RAD51B: variants seen among roughly 807,000 people sequenced by gnomAD.
RAD51B encodes the protein DNA repair protein RAD51 homolog 2.
A neutral mutation model predicts 42.2 loss-of-function variants in RAD51B; 38 were observed. That is an observed-to-expected ratio of 0.90 (90% CI 0.70 to 1.18). The LOEUF is 1.18. Among genes scored for constraint, RAD51B ranks in the 50% most tolerant of loss-of-function variants. The pLI, the probability that RAD51B is intolerant of heterozygous loss-of-function variation, is 0.00. For synonymous variants in RAD51B, 154 were observed against 145.2 expected, an observed-to-expected ratio of 1.06 and a Z score of -0.43; for missense variants, 373 against 400.7, an observed-to-expected ratio of 0.93 and a Z score of 0.59.
At chr14:68,268,382 T>G (rs1018526251) in intron 7 of RAD51B, among the ~76,000 whole-genome samples, 1 of 152,130 alleles carries the variant, frequency 6.6e-6, no homozygotes, top group Non-Finnish European at 1.5e-5. Context: ...CCATGTACAT[T>G]TTGTATCTTC....
chr14:68,202,257 T>A (rs2079501384), intron 7 of RAD51B, among the ~76,000 whole-genome samples: 1 of 152,214 alleles, frequency 6.6e-6, no homozygotes, highest in African/African-American at 2.4e-5. Context: ...CTGATCACGG[T>A]GGTGGTTACT....
intron 7 of RAD51B, among the ~76,000 whole-genome samples, chr14:67,961,545 C>T (rs1405237578): frequency 6.6e-6 from 1 of 152,126 alleles, no homozygotes; most frequent in East Asian, 1.9e-4. Context: ...GGATATTATT[C>T]TTGTATACAT....
chr14:67,895,716 A>G (rs1195130867), intron 7 of RAD51B, among the ~76,000 whole-genome samples: 1 of 152,138 alleles, frequency 6.6e-6, no homozygotes, highest in Non-Finnish European at 1.5e-5. Flanking sequence ...TTAGTTTAGG[A>G]TATGATATAA....
At chr14:68,085,840 G>A (rs895480381) in intron 7 of RAD51B, among the ~76,000 whole-genome samples, 1 of 152,176 alleles carries the variant, frequency 6.6e-6, no homozygotes, top group East Asian at 1.9e-4. Flanking sequence ...GGAGTGGCTC[G>A]CTTCTTCAGT....
intron 8 of RAD51B, among the ~76,000 whole-genome samples, chr14:68,399,200 A>C (rs1014490187): frequency 6.6e-6 from 1 of 152,012 alleles, no homozygotes; most frequent in Admixed American, 6.5e-5. Context: ...AACCTACAGA[A>C]AAGTTCCAAG....
At chr14:68,053,380 T>C (rs1419444391) in intron 7 of RAD51B, among the ~76,000 whole-genome samples, 1 of 152,224 alleles carries the variant, frequency 6.6e-6, no homozygotes, top group Non-Finnish European at 1.5e-5. Flanking sequence ...TGCTTTATTC[T>C]TTGGAATGAA....
chr14:67,920,720 C>G (rs910635218), intron 7 of RAD51B, among the ~76,000 whole-genome samples: 1 of 152,090 alleles, frequency 6.6e-6, no homozygotes, highest in Admixed American at 6.6e-5. Context: ...GTATGACAGG[C>G]TCTGTGCTTG....
At chr14:68,156,467 C>CTG (rs1234171629) in intron 7 of RAD51B, among the ~76,000 whole-genome samples, 10 of 149,288 alleles carry the variant, frequency 6.7e-5, no homozygotes, top group African/African-American at 2.5e-4. Flanking sequence ...CTCTCTCTCT[C>CTG]TCTCTCTCTC....
intron 10 of RAD51B, among the ~76,000 whole-genome samples, chr14:68,553,842 A>T (rs1480528930): frequency 6.6e-6 from 1 of 152,164 alleles, no homozygotes; most frequent in Non-Finnish European, 1.5e-5. Flanking sequence ...AAATAATAAG[A>T]TTGCTATAAC....
intron 9 of RAD51B, among the ~76,000 whole-genome samples, chr14:68,429,116 G>A (rs1193450721): frequency 3.9e-5 from 6 of 151,994 alleles, no homozygotes; most frequent in Non-Finnish European, 7.4e-5. Flanking sequence ...AGTATTCCAC[G>A]GTGTATATGT....
chr14:68,323,915 C>A (rs932272454), intron 8 of RAD51B, among the ~76,000 whole-genome samples: 7 of 152,122 alleles, frequency 4.6e-5, no homozygotes, highest in Non-Finnish European at 8.8e-5. Context: ...ATTCAGATTC[C>A]ATGAGAGCAT....
At chr14:67,846,018 C>G (rs2041599745) in intron 4 of RAD51B, among the ~76,000 whole-genome samples, 1 of 152,102 alleles carries the variant, frequency 6.6e-6, no homozygotes, top group Non-Finnish European at 1.5e-5. Flanking sequence ...CTGGAGGAGC[C>G]CAGGTGTTCT....
chr14:68,135,261 C>T (rs185240963), intron 7 of RAD51B, among the ~76,000 whole-genome samples: 79 of 152,180 alleles, frequency 5.2e-4, no homozygotes, highest in Admixed American at 1.0e-3. Context: ...TTAATAACAC[C>T]GGAAAGAGGA....
At chr14:68,104,701 T>C (rs2077346859) in intron 7 of RAD51B, among the ~76,000 whole-genome samples, 1 of 152,166 alleles carries the variant, frequency 6.6e-6, no homozygotes, top group African/African-American at 2.4e-5. Flanking sequence ...TGAGTGAATA[T>C]TGGCCCACAT....
intron 7 of RAD51B, among the ~76,000 whole-genome samples, chr14:68,087,954 A>T (rs888034323): frequency 2.6e-5 from 3 of 114,200 alleles, no homozygotes; most frequent in African/African-American, 1.3e-4. Context: ...ATTATATATA[A>T]TTATATAATT....
At chr14:68,450,237 A>G (rs2085523349) in intron 9 of RAD51B, among the ~76,000 whole-genome samples, 1 of 90,172 alleles carries the variant, frequency 1.1e-5, no homozygotes, top group Non-Finnish European at 2.0e-5. Context: ...TTTTTTTTTA[A>G]GATGGAGTTT....
chr14:67,903,283 C>G (rs1048418428), intron 7 of RAD51B, among the ~76,000 whole-genome samples: 1 of 152,166 alleles, frequency 6.6e-6, no homozygotes, highest in Admixed American at 6.5e-5. Flanking sequence ...AATACTCTCT[C>G]TCAAAATGAT....
intron 10 of RAD51B, among the ~76,000 whole-genome samples, chr14:68,581,095 C>A (rs1890189053): frequency 6.6e-6 from 1 of 152,110 alleles, no homozygotes; most frequent in Admixed American, 6.6e-5. Flanking sequence ...ACCAGGCTCT[C>A]AGGGTTTCTT....
At chr14:68,542,026 ATATAT>A (rs1455309531) in intron 10 of RAD51B, among the ~76,000 whole-genome samples, 1 of 152,182 alleles carries the variant, frequency 6.6e-6, no homozygotes, top group African/African-American at 2.4e-5. Flanking sequence ...TACTTTCCTA[ATATAT>A]TATGTACATT....
Sources: allele counts gnomAD v4.1 joint callset (sites outside exome capture counted in the v4.1 genomes callset), GRCh38; gene constraint gnomAD v4.1.1; transcripts MANE v1.5; gene names NCBI Gene and HGNC (gene_info 2026-07-23, HGNC 2026-07-21).